The following DCTN2 variants were observed in gnomAD, a reference collection of about 807,000 sequenced individuals.
The protein encoded by DCTN2 is dynactin subunit 2.
Under a neutral mutation model 55.4 loss-of-function variants are expected in DCTN2, and 18 were observed. That is an observed-to-expected ratio of 0.32 (90% confidence interval 0.22 to 0.48). The LOEUF (loss-of-function observed/expected upper bound fraction) is 0.48, where lower values mean the gene tolerates loss of function less well. Among genes scored for constraint, DCTN2 ranks in the 20% least tolerant of loss-of-function variants. The pLI is 0.99. For synonymous variants in DCTN2, 168 were observed against 185.2 expected (o/e 0.91, Z 0.76); for missense variants, 390 against 491.0 (o/e 0.79, Z 1.94).
rs1880173112 is a variant in DCTN2, at chr12:57,535,687, G to A, written c.202+62C>T. On this transcript the variant is annotated intron_variant, in intron 3 of 13. Coordinates refer to ENST00000548249, the MANE Select transcript of DCTN2 (RefSeq NM_001261413.2). ...ACAACTCACTAAGACTTTAGGACAG[G>A]AAACCACTTCTCATGCTTATCCTCC... 5 of 1,547,164 alleles carry A rather than the reference G, an allele frequency of 3.2e-6. No individual in the cohort carries two copies. In the Admixed American group the frequency reaches 5.1e-5, roughly 16 times the overall value.
chr12:57,531,898 C>A, intron 13 of DCTN2, 117 bp downstream of exon 13: 1 of 1,457,822 alleles, frequency 6.9e-7, no homozygotes, highest in Non-Finnish European at 9.3e-7. Flanking sequence ...GACTCCAGAC[C>A]AACCCCCTGC....
At chr12:57,534,933 G>A (rs1396557118) in intron 5 of DCTN2, 123 bp downstream of exon 5, 1 of 773,592 alleles carries the variant, frequency 1.3e-6, no homozygotes, top group East Asian at 2.8e-5. Context: ...GCCTCCCAAA[G>A]TGGTAGGATT....
intron 1 of DCTN2, 106 bp from the exon 2 acceptor site, chr12:57,546,202 C>T: frequency 9.3e-7 from 1 of 1,077,470 alleles, no homozygotes; most frequent in Non-Finnish European, 1.4e-6. Flanking sequence ...GGTGTGATGT[C>T]AGGGTTCTGT....
rs527367465 is a variant in DCTN2 at position 57,535,416 on chromosome 12, C to T, written c.264+68G>A. On this transcript the variant is annotated intron_variant, in intron 4 of 13. Coordinates refer to ENST00000548249, the MANE Select transcript of DCTN2 (RefSeq NM_001261413.2). ...AATCCCGCCTGTATCCCTTGATCTC[C>T]CTACTACATGTCTGCTAGATAGGGT... The T allele has an allele frequency of 9.5e-6, 15 of 1,581,020 alleles. No homozygotes were observed. The African/African-American group carries it at 1.7e-4, about 18-fold the overall frequency.
Position 57,532,828 on chromosome 12 carries a change from G to T in DCTN2, c.775-18C>A. ...ACAGTCTCCTGGGGATGGAAGTTGG[G>T]ACAAGCATCATGAAGAGGAAAGGCA... On this transcript the variant is annotated intron_variant, in intron 9 of 13. Transcript: ENST00000548249. 1 of 1,613,862 alleles carries T rather than the reference G, an allele frequency of 6.2e-7. No individual in the cohort carries two copies.
chr12:57,537,345 AAGAG>A (rs371054082), intron 2 of DCTN2, among the ~76,000 whole-genome samples: 22 of 150,236 alleles, frequency 1.5e-4, no homozygotes, highest in African/African-American at 4.2e-4. Context: ...AAAAAAGAAA[AAGAG>A]AGAGAGAGAA....
At chr12:57,531,270 T>G (rs968369515) in intron 13 of DCTN2, among the ~76,000 whole-genome samples, 1 of 152,010 alleles carries the variant, frequency 6.6e-6, no homozygotes, top group African/African-American at 2.4e-5. Flanking sequence ...GCCTGTAATC[T>G]CAGCACTTTG....
intron 8 of DCTN2, 30 bp downstream of exon 8, chr12:57,533,208 G>A: frequency 6.2e-7 from 1 of 1,610,552 alleles, no homozygotes; most frequent in Non-Finnish European, 8.5e-7. Context: ...AGGATCTAAG[G>A]CTCAGATTAT....
rs1300324319 is a variant in DCTN2, at chr12:57,537,343, AAAAG to A, written c.106-1502_106-1499del. Reference sequence around the variant, plus strand: ...AGTGAGACCCTGTCTCAAAAAAAGAAAAAGAGAGAGAGAGAAAAGAAAAAAAAAA... The same window carrying A: ...AGTGAGACCCTGTCTCAAAAAAAGAAAGAGAGAGAGAAAAGAAAAAAAAAA... On this transcript the variant is annotated intron_variant, in intron 2 of 13. Coordinates refer to ENST00000548249, the MANE Select transcript of DCTN2 (RefSeq NM_001261413.2). Among the ~76,000 whole-genome samples the A allele has an allele frequency of 8.0e-5, 12 of 150,754 alleles. No individual in the cohort carries two copies. The East Asian group carries it at 1.4e-3, about 17-fold the overall frequency.
intron 2 of DCTN2, among the ~76,000 whole-genome samples, chr12:57,537,815 C>T (rs1037037851): frequency 2.6e-5 from 4 of 152,142 alleles, no homozygotes; most frequent in South Asian, 2.1e-4. Context: ...TGAAATGTTA[C>T]GGCCAGAACA....
chr12:57,537,488 G>C (rs1426178199), intron 2 of DCTN2, among the ~76,000 whole-genome samples: 1 of 152,044 alleles, frequency 6.6e-6, no homozygotes, highest in East Asian at 1.9e-4. Context: ...CCTGTGTGTA[G>C]GTATGTGGGG....
chr12:57,536,125 CCCCATG>C (rs1880213401), intron 2 of DCTN2: 2 of 409,288 alleles, frequency 4.9e-6, no homozygotes, highest in Non-Finnish European at 8.8e-6. Flanking sequence ...CTTCCCATCC[CCCCATG>C]CTACCCCTCC....
In DCTN2 at chr12:57,532,031, G is replaced by A; in HGVS notation, c.1103C>T (p.Thr368Ile). The change falls in exon 13 of 14, where the codon ACC becomes ATC. Residue 368 changes from threonine to isoleucine, a missense_variant. Around this residue, in one of 2 missense-constraint regions of DCTN2, gnomAD observed 273 missense variants for 303.2 expected, o/e 0.90. Transcript: ENST00000548249. ...QMIANSLKDN[T>I]TLLTQVQTTM... ...GGCACACACCTGGGTCAAGAGGGTG[G>A]TATTGTCCTTCAAGGAATTAGCAAT... 1 of 1,563,366 alleles carries A rather than the reference G, an allele frequency of 6.4e-7. No homozygotes were observed.
At chr12:57,538,567 G>C in intron 2 of DCTN2, 1 of 746,310 alleles carries the variant, frequency 1.3e-6, no homozygotes, top group Non-Finnish European at 2.5e-6. Context: ...AGAGTTAAAA[G>C]GAAAGGGAGT....
In DCTN2 at chr12:57,535,495, C is replaced by T; in HGVS notation, c.253G>A (p.Glu85Lys). ...CACACACAACAAACCATCTCATATT[C>T]TCCAGATTCATATCCTGTCCTCTTG... ...KTKRTGYESG[E>K]YEMLGEGLGV... Residue 85 changes from glutamate (E) to lysine (K), a missense_variant, in exon 4 of 14, where the codon GAA becomes AAA. Transcript: ENST00000548249. 1 of 1,614,010 alleles carries T rather than the reference C, an allele frequency of 6.2e-7. No individual in the cohort carries two copies. Among genetic ancestry groups the T allele is most frequent in the Non-Finnish European group, 8.5e-7 (1 of 1,179,892 alleles).
rs546355876 is a variant in DCTN2, at chr12:57,534,510, A to G, written c.364-58T>C. The G allele has an allele frequency of 9.2e-5, 141 of 1,539,838 alleles. 3 individuals carry two copies. The South Asian group carries it at 1.7e-3, about 19-fold the overall frequency. On this transcript the variant is annotated intron_variant, in intron 5 of 13. Transcript: ENST00000548249. Reference sequence around the variant, plus strand: ...GCAAGAATGAATCAAGAAGCAAAAAAATAGGTCAAGCCCTTTAAAGGTAGT... The same window carrying G: ...GCAAGAATGAATCAAGAAGCAAAAAGATAGGTCAAGCCCTTTAAAGGTAGT...
chr12:57,543,606 CA>C (rs1242704567), intron 2 of DCTN2, among the ~76,000 whole-genome samples: 1 of 152,206 alleles, frequency 6.6e-6, no homozygotes, highest in Non-Finnish European at 1.5e-5. Context: ...CCAAAAGCTG[CA>C]AGCCCCATAG....
At chr12:57,546,953 G>C in intron 1 of DCTN2, 75 bp downstream of exon 1, 1 of 1,178,908 alleles carries the variant, frequency 8.5e-7, no homozygotes, top group Non-Finnish European at 1.1e-6. Flanking sequence ...GAGGGGTCGC[G>C]GGCTGGTTTC....
chr12:57,533,470 G>A (rs1055269060), intron 7 of DCTN2, among the ~76,000 whole-genome samples, 167 bp from the exon 8 acceptor site: 7 of 152,116 alleles, frequency 4.6e-5, no homozygotes, highest in Non-Finnish European at 8.8e-5. Context: ...GTAGATGGGC[G>A]AGGGAAACAT....
Sources: gnomAD v4.1 joint callset for allele counts (sites outside exome capture counted in the v4.1 genomes callset) on GRCh38, gnomAD v4.1.1 for gene constraint, gnomAD v4.1.1 regional missense constraint, MANE v1.5 for transcripts, NCBI Gene and HGNC (gene_info 2026-07-23, HGNC 2026-07-21) for gene names.